The following DGKB variants were observed in gnomAD, a reference collection of about 807,000 sequenced individuals.
The protein encoded by DGKB is diacylglycerol kinase beta.
A neutral mutation model predicts 114.3 loss-of-function variants in DGKB; 67 were observed. That is an observed-to-expected ratio of 0.59 (90% CI 0.48 to 0.72). The LOEUF (loss-of-function observed/expected upper bound fraction) is 0.72. Ranked by LOEUF, DGKB falls within the 30% of genes least tolerant of loss-of-function variation. The pLI, the probability that DGKB is intolerant of heterozygous loss-of-function variation, is 0.00. For missense variants in DGKB, 907 were observed against 975.2 expected, an observed-to-expected ratio of 0.93 and a Z score of 0.93; for synonymous variants, 398 against 323.1, an observed-to-expected ratio of 1.23 and a Z score of -2.49.
chr7:14,280,418 C>A (rs958474636), intron 23 of DGKB, among the ~76,000 whole-genome samples: 4 of 151,948 alleles, frequency 2.6e-5, no homozygotes, highest in South Asian at 2.1e-4. Context: ...AGAATGGAAC[C>A]GAGTTGGAAA....
chr7:14,887,261 T>C (rs1780437565), intron 1 of DGKB, among the ~76,000 whole-genome samples: 1 of 151,862 alleles, frequency 6.6e-6, no homozygotes, highest in African/African-American at 2.4e-5. Flanking sequence ...CTGTAGTTGA[T>C]CTGCAATCAT....
At chr7:14,439,760 A>G (rs1017011724) in intron 21 of DGKB, among the ~76,000 whole-genome samples, 1 of 151,734 alleles carries the variant, frequency 6.6e-6, no homozygotes, top group Non-Finnish European at 1.5e-5. Context: ...GCTACTTGGG[A>G]AGCTGAGGCA....
intron 3 of DGKB, among the ~76,000 whole-genome samples, chr7:14,754,959 T>G (rs910220808): frequency 2.0e-5 from 3 of 152,148 alleles, no homozygotes; most frequent in Non-Finnish European, 4.4e-5. Context: ...AGCCTTAAAC[T>G]GGGATTCTAG....
intron 20 of DGKB, 104 bp from the exon 21 acceptor site, chr7:14,478,329 T>C (rs1344560200): frequency 5.8e-6 from 4 of 693,348 alleles, no homozygotes; most frequent in South Asian, 3.2e-5. Flanking sequence ...TGAACTTTTA[T>C]TTACAATATT....
chr7:14,580,824 G>T, intron 19 of DGKB, 38 bp downstream of exon 19: 1 of 1,431,562 alleles, frequency 7.0e-7, no homozygotes, highest in Non-Finnish European at 9.7e-7. Context: ...AAGGGGTGTT[G>T]TGTACTGTTT....
intron 17 of DGKB, among the ~76,000 whole-genome samples, chr7:14,587,223 G>A (rs1364711135): frequency 6.6e-6 from 1 of 152,082 alleles, no homozygotes; most frequent in African/African-American, 2.4e-5. Context: ...TCTCATGGAT[G>A]ACTTTAAAGG....
chr7:14,192,578 AAT>A (rs1474357104), intron 23 of DGKB, among the ~76,000 whole-genome samples: 2 of 152,130 alleles, frequency 1.3e-5, no homozygotes, highest in African/African-American at 4.8e-5. Flanking sequence ...AAATAACTAT[AAT>A]ATTCTTCAGA....
chr7:14,348,202 C>T (rs888041219), intron 21 of DGKB, among the ~76,000 whole-genome samples: 1 of 151,446 alleles, frequency 6.6e-6, no homozygotes, highest in African/African-American at 2.4e-5. Context: ...CTAATCTGTT[C>T]TCTAGTTCTA....
chr7:14,829,797 T>C (rs1846171968), intron 2 of DGKB, among the ~76,000 whole-genome samples: 1 of 152,090 alleles, frequency 6.6e-6, no homozygotes, highest in Non-Finnish European at 1.5e-5. Context: ...AGAAAGCAGC[T>C]TTGGAAAAGA....
At chr7:14,534,005 A>G (rs891993646) in intron 20 of DGKB, among the ~76,000 whole-genome samples, 27 of 152,224 alleles carry the variant, frequency 1.8e-4, no homozygotes, top group African/African-American at 6.0e-4. Flanking sequence ...ATATGTAGGC[A>G]AATATACAAT....
chr7:14,392,995 G>GTTTTTTTTTTTTTTTTTTTTTTTTTTT (rs1554404748), intron 21 of DGKB, among the ~76,000 whole-genome samples: 31 of 60,540 alleles, frequency 5.1e-4, no homozygotes, highest in African/African-American at 1.3e-3. Context: ...TTTTGTTTTT[G>GTTTTTTTTTTTTTTTTTTTTTTTTTTT]TTTTTTTTTT....
chr7:14,670,359 G>A (rs960953502), intron 13 of DGKB, among the ~76,000 whole-genome samples: 3 of 151,644 alleles, frequency 2.0e-5, no homozygotes, highest in African/African-American at 7.3e-5. Flanking sequence ...CTGGAGTGCA[G>A]TGATGCAATC....
intron 23 of DGKB, among the ~76,000 whole-genome samples, chr7:14,189,857 A>T (rs371102737): frequency 2.4e-4 from 36 of 152,312 alleles, no homozygotes; most frequent in African/African-American, 5.5e-4. Context: ...AAGAGGATAT[A>T]ACAATTGTAA....
intron 23 of DGKB, among the ~76,000 whole-genome samples, chr7:14,332,117 T>G (rs978388433): frequency 6.6e-6 from 1 of 152,126 alleles, no homozygotes; most frequent in African/African-American, 2.4e-5. Context: ...TTTTTTGGCC[T>G]GAATTTTTCC....
chr7:14,418,646 A>G (rs892522283), intron 21 of DGKB, among the ~76,000 whole-genome samples: 2 of 151,752 alleles, frequency 1.3e-5, no homozygotes, highest in Non-Finnish European at 2.9e-5. Flanking sequence ...ATAACAAACA[A>G]TCTTGGACTA....
At chr7:14,415,719 T>C (rs1468326323) in intron 21 of DGKB, among the ~76,000 whole-genome samples, 3 of 152,262 alleles carry the variant, frequency 2.0e-5, no homozygotes, top group Admixed American at 6.5e-5. Flanking sequence ...TGAATGGTGC[T>C]GCAATAAACC....
chr7:14,723,750 TACATACAC>T (rs1188108088), intron 5 of DGKB, among the ~76,000 whole-genome samples: 4 of 152,196 alleles, frequency 2.6e-5, no homozygotes, highest in Non-Finnish European at 4.4e-5. Context: ...TACACATACA[TACATACAC>T]ACATACACAT....
intron 21 of DGKB, among the ~76,000 whole-genome samples, chr7:14,408,335 G>A (rs913076400): frequency 1.3e-5 from 2 of 152,092 alleles, no homozygotes. Context: ...CTTGGAGGGA[G>A]TAAGAACAGA....
intron 1 of DGKB, among the ~76,000 whole-genome samples, chr7:14,939,518 C>T (rs1785451085): frequency 6.6e-6 from 1 of 150,528 alleles, no homozygotes; most frequent in African/African-American, 2.4e-5. Context: ...AATAGAGGTT[C>T]AGAGAAGTTG....
Sources: allele counts gnomAD v4.1 joint callset (sites outside exome capture counted in the v4.1 genomes callset), GRCh38; gene constraint gnomAD v4.1.1; transcripts MANE v1.5; gene names NCBI Gene and HGNC (gene_info 2026-07-23, HGNC 2026-07-21).